The following DENND5A variants were observed in gnomAD, a reference collection of about 807,000 sequenced individuals.
The protein encoded by DENND5A is DENN domain-containing protein 5A.
A neutral mutation model predicts 140.3 loss-of-function variants in DENND5A; 64 were observed. That is an observed-to-expected ratio of 0.46 (90% CI 0.37 to 0.56). The LOEUF is 0.56. Among genes scored for constraint, DENND5A ranks in the 20% least tolerant of loss-of-function variants. DENND5A has a pLI of 0.00. For synonymous variants in DENND5A, 605 were observed against 607.7 expected (o/e 1.00, Z 0.07); for missense variants, 1,292 against 1,593.8 (o/e 0.81, Z 3.22).
chr11:9,237,015 A>C (rs1387413578), intron 1 of DENND5A, among the ~76,000 whole-genome samples: 1 of 152,212 alleles, frequency 6.6e-6, no homozygotes, highest in Non-Finnish European at 1.5e-5. Flanking sequence ...GATAAACACC[A>C]CAACAGAAAT....
At chr11:9,259,467 G>GT (rs1852095005) in intron 1 of DENND5A, among the ~76,000 whole-genome samples, 1 of 152,048 alleles carries the variant, frequency 6.6e-6, no homozygotes, top group Admixed American at 6.6e-5. Flanking sequence ...TCCGGAGGCT[G>GT]AGGCAGGAGA....
At chr11:9,255,929 G>C (rs1368914471) in intron 1 of DENND5A, among the ~76,000 whole-genome samples, 1 of 151,644 alleles carries the variant, frequency 6.6e-6, no homozygotes, top group Non-Finnish European at 1.5e-5. Flanking sequence ...AAGAGGCTGA[G>C]GAAGGAGAAT....
At position 9,160,880 on chromosome 11, in the gene DENND5A, T is replaced by A. The variant is rs768266811; in HGVS notation, c.2284-15A>T. The A allele has an allele frequency of 6.2e-7, 1 of 1,612,808 alleles. No individual in the cohort carries two copies. The highest frequency in any genetic ancestry group is 8.5e-7 in the Non-Finnish European group (1 of 1,179,030). ...ATCCTCTTGGTCTACAAGGAAGCAG[T>A]CAACAGGATTAAATAACCACAGTGA... On this transcript the variant is annotated splice_polypyrimidine_tract_variant and intron_variant, in intron 11 of 22. Coordinates refer to ENST00000328194, the MANE Select transcript of DENND5A (RefSeq NM_015213.4).
At chr11:9,150,237 G>A in intron 14 of DENND5A, 28 bp from the exon 15 acceptor site, 1 of 1,610,858 alleles carries the variant, frequency 6.2e-7, no homozygotes, top group Non-Finnish European at 8.5e-7. Flanking sequence ...AAAGGAAGTG[G>A]AGGGTGGGAT....
intron 1 of DENND5A, among the ~76,000 whole-genome samples, chr11:9,238,951 C>A (rs948137870): frequency 6.6e-5 from 10 of 151,690 alleles, no homozygotes; most frequent in African/African-American, 2.4e-4. Flanking sequence ...CCTGCCTCAG[C>A]TTCCTGAGTA....
intron 5 of DENND5A, among the ~76,000 whole-genome samples, chr11:9,181,345 G>T (rs941373958): frequency 6.6e-6 from 1 of 152,160 alleles, no homozygotes; most frequent in Non-Finnish European, 1.5e-5. Context: ...GAGATAAAGA[G>T]ATAAACAATG....
rs547984023 is a variant in DENND5A at position 9,240,181 on chromosome 11, G to T, written c.109+24780C>A. 1.3e-3 allele frequency among the ~76,000 whole-genome samples: 196 copies of T among 152,180 alleles called. 1 individual carries two copies. In the Middle Eastern group the frequency reaches 0.017, roughly 13 times the overall value. Reference sequence around the variant, plus strand: ...CCAGCATTTTGGGAGGCCAAGGCTGGTCAGGAGTTTGAGACCAGCCTGGCC... The same window carrying T: ...CCAGCATTTTGGGAGGCCAAGGCTGTTCAGGAGTTTGAGACCAGCCTGGCC... On this transcript the variant is annotated intron_variant, in intron 1 of 22. Coordinates refer to ENST00000328194, the MANE Select transcript of DENND5A (RefSeq NM_015213.4).
At chr11:9,184,231 T>C (rs968882008) in intron 5 of DENND5A, among the ~76,000 whole-genome samples, 1 of 151,966 alleles carries the variant, frequency 6.6e-6, no homozygotes, top group African/African-American at 2.4e-5. Flanking sequence ...CGGGTGCCTA[T>C]AGTCCCAGCT....
intron 5 of DENND5A, among the ~76,000 whole-genome samples, chr11:9,186,913 T>C (rs1287203394): frequency 6.6e-6 from 1 of 152,100 alleles, no homozygotes; most frequent in Non-Finnish European, 1.5e-5. Context: ...AAACCCCGTC[T>C]CTACTAAAAA....
intron 1 of DENND5A, among the ~76,000 whole-genome samples, chr11:9,246,066 A>C (rs957356486): frequency 2.6e-5 from 4 of 152,120 alleles, no homozygotes; most frequent in Admixed American, 2.6e-4. Flanking sequence ...GGGCCTGCAG[A>C]CCCCAAGCAT....
chr11:9,143,278 C>T lies in DENND5A; in HGVS notation c.3387+125G>A. ...CATCTCCAACTAGCTGAGGCACACA[C>T]TCTACAAGACTCTAGGGTGTCCACA... On this transcript the variant is annotated intron_variant, in intron 20 of 22. Transcript: ENST00000328194. 5 of 864,638 alleles carry T rather than the reference C, an allele frequency of 5.8e-6. No homozygotes were observed. In the South Asian group the frequency reaches 7.2e-5, roughly 13 times the overall value. The allele number at this position is 864,638 out of a possible 1,614,324, so 53.6% of individuals were successfully genotyped here.
At chr11:9,256,649 A>G (rs1266919074) in intron 1 of DENND5A, among the ~76,000 whole-genome samples, 2 of 152,218 alleles carry the variant, frequency 1.3e-5, no homozygotes, top group Admixed American at 6.6e-5. Flanking sequence ...GAGACCACAC[A>G]TATTACTCCA....
At chr11:9,202,601 T>C (rs755951478) in intron 4 of DENND5A, among the ~76,000 whole-genome samples, 1 of 152,172 alleles carries the variant, frequency 6.6e-6, no homozygotes, top group African/African-American at 2.4e-5. Flanking sequence ...CTGATGGCTA[T>C]CTAAGAGCCA....
At chr11:9,157,955 CAT>C (rs1847865989) in intron 12 of DENND5A, among the ~76,000 whole-genome samples, 1 of 152,160 alleles carries the variant, frequency 6.6e-6, no homozygotes, top group African/African-American at 2.4e-5. Flanking sequence ...ACTCACAGTT[CAT>C]AGTGTTGCTA....
chr11:9,146,178 T>C (rs1362156577), intron 16 of DENND5A, among the ~76,000 whole-genome samples: 1 of 152,222 alleles, frequency 6.6e-6, no homozygotes. Context: ...TCATGAACCC[T>C]AATAACAATC....
intron 10 of DENND5A, 120 bp from the exon 11 acceptor site, chr11:9,166,087 C>CTTT: frequency 9.8e-5 from 70 of 715,856 alleles, no homozygotes; most frequent in Non-Finnish European, 1.3e-4. Flanking sequence ...TTTTCTTTTT[C>CTTT]TTTTTTTTTT....
intron 10 of DENND5A, among the ~76,000 whole-genome samples, chr11:9,167,165 G>GT (rs1273348798): frequency 6.6e-6 from 1 of 152,096 alleles, no homozygotes; most frequent in Non-Finnish European, 1.5e-5. Context: ...TATCCTCTCA[G>GT]TAGGTTCATA....
chr11:9,193,668 C>T lies in DENND5A; in HGVS notation c.963G>A (p.Leu321=). The T allele has an allele frequency of 6.2e-7, 1 of 1,612,218 alleles. No homozygotes were observed. The highest frequency in any genetic ancestry group is 8.5e-7 in the Non-Finnish European group (1 of 1,179,200). The change falls in exon 5 of 23, where the codon CTG becomes CTA. Residue 321 remains leucine, a synonymous_variant. Coordinates refer to ENST00000328194, the MANE Select transcript of DENND5A (RefSeq NM_015213.4). ...ILLYSQHYQR[L]MTVAETITAL... ...CTGTAATCGTCTCCGCCACAGTCAT[C>T]AGTCTCTGGTAATCTGGGTCAACAA...
At chr11:9,144,679 C>T (rs1207964952) in intron 18 of DENND5A, among the ~76,000 whole-genome samples, 4 of 151,958 alleles carry the variant, frequency 2.6e-5, no homozygotes, top group Non-Finnish European at 5.9e-5. Flanking sequence ...ATCCCAGCTA[C>T]TCGGGGAGCT....
Sources: allele counts gnomAD v4.1 joint callset (sites outside exome capture counted in the v4.1 genomes callset), GRCh38; gene constraint gnomAD v4.1.1; transcripts MANE v1.5; gene names NCBI Gene and HGNC (gene_info 2026-07-23, HGNC 2026-07-21).